Variants in FNDC3B observed in about 807,000 individuals in gnomAD.
FNDC3B encodes fibronectin type III domain-containing protein 3B.
A neutral mutation model predicts 151.5 loss-of-function variants in FNDC3B; 12 were observed. That is an observed-to-expected ratio of 0.08 (90% CI 0.05 to 0.13). The LOEUF (loss-of-function observed/expected upper bound fraction) is 0.13. FNDC3B is among the 10% of genes least tolerant of loss of function. FNDC3B has a pLI of 1.00. For missense variants in FNDC3B, 1,214 were observed against 1,505.3 expected, an observed-to-expected ratio of 0.81 and a Z score of 3.20; for synonymous variants, 528 against 549.0, an observed-to-expected ratio of 0.96 and a Z score of 0.54.
intron 1 of FNDC3B, among the ~76,000 whole-genome samples, chr3:172,087,214 C>T (rs1029400699): frequency 2.6e-5 from 4 of 152,080 alleles, no homozygotes; most frequent in East Asian, 1.9e-4. Flanking sequence ...CTAGTTAAGG[C>T]GCATAACTTA....
chr3:172,095,521 T>C (rs901303713), intron 1 of FNDC3B, among the ~76,000 whole-genome samples: 4 of 152,316 alleles, frequency 2.6e-5, no homozygotes, highest in Admixed American at 6.5e-5. Flanking sequence ...CGGGTACTCA[T>C]AGAGAGGGGT....
Position 172,061,619 on chromosome 3 carries a change from G to A in FNDC3B, c.-29+21848G>A, listed in dbSNP as rs188215016. Among the ~76,000 whole-genome samples the A allele has an allele frequency of 2.0e-5, 3 of 152,302 alleles. No individual in the cohort carries two copies. In the East Asian group the frequency reaches 5.8e-4, roughly 29 times the overall value. On this transcript the variant is annotated intron_variant, in intron 1 of 25. Coordinates refer to ENST00000415807, the MANE Select transcript of FNDC3B (RefSeq NM_022763.4). ...GCAGATTCTTTTCCTAATGTGTCAT[G>A]TACAATCTGTGGGGGAAGAAGGTTA...
intron 13 of FNDC3B, among the ~76,000 whole-genome samples, chr3:172,331,465 C>G (rs1560082917): frequency 6.6e-6 from 1 of 152,192 alleles, no homozygotes; most frequent in Non-Finnish European, 1.5e-5. Context: ...TCATGCCATT[C>G]TTCTGCCTCA....
intron 25 of FNDC3B, among the ~76,000 whole-genome samples, chr3:172,387,373 T>C (rs778043559): frequency 3.6e-4 from 54 of 152,006 alleles, no homozygotes; most frequent in Non-Finnish European, 6.3e-4. Context: ...GCAGGGATTA[T>C]AGGCGTGAGC....
At chr3:172,256,702 A>C (rs1413450626) in intron 6 of FNDC3B, among the ~76,000 whole-genome samples, 2 of 152,230 alleles carry the variant, frequency 1.3e-5, no homozygotes, top group South Asian at 2.1e-4. Context: ...GAAATCCTTC[A>C]ATTTTCAGCC....
intron 22 of FNDC3B, among the ~76,000 whole-genome samples, chr3:172,358,684 A>C (rs1342384126): frequency 6.6e-6 from 1 of 152,162 alleles, no homozygotes; most frequent in Non-Finnish European, 1.5e-5. Flanking sequence ...AACACTTGAA[A>C]ATTTGCTAGT....
chr3:172,328,850 A>AAGCAGTTATT, intron 11 of FNDC3B, 102 bp from the exon 12 acceptor site: 2 of 867,570 alleles, frequency 2.3e-6, no homozygotes, highest in East Asian at 5.9e-5. Flanking sequence ...CTAGGAAATT[A>AAGCAGTTATT]AGCAGTTATT....
Position 172,179,749 on chromosome 3 carries a change from G to A in FNDC3B, c.187+46203G>A, listed in dbSNP as rs963710165. On this transcript the variant is annotated intron_variant, in intron 3 of 25. Coordinates refer to ENST00000415807, the MANE Select transcript of FNDC3B (RefSeq NM_022763.4). ...ATACAAAAAGTTAGCTGGGCATGGTGGCGACTGCCTGTAGACTGAGCTACT... is the reference window on the plus strand; with the variant it reads ...ATACAAAAAGTTAGCTGGGCATGGTAGCGACTGCCTGTAGACTGAGCTACT... Among the ~76,000 whole-genome samples the A allele has an allele frequency of 2.0e-4, 31 of 151,802 alleles. 1 individual carries two copies. The highest frequency in any genetic ancestry group is 7.5e-4 in the African/African-American group (31 of 41,398).
At chr3:172,345,740 G>T (rs1013864119) in intron 19 of FNDC3B, among the ~76,000 whole-genome samples, 15 of 152,156 alleles carry the variant, frequency 9.9e-5, no homozygotes, top group African/African-American at 3.6e-4. Flanking sequence ...TCAAAGTGTG[G>T]TAAGTCTCTA....
rs568774150 is a variant in FNDC3B, at chr3:172,204,627, C to T, written c.188-22244C>T. ...GTTTTGATTACTTTATAAACTGTCT[C>T]TTAGTTTTAGGGTTACAAACCTATT... is the stretch of plus-strand genomic sequence containing the variant. On this transcript the variant is annotated intron_variant, in intron 3 of 25. Coordinates refer to ENST00000415807, the MANE Select transcript of FNDC3B (RefSeq NM_022763.4). Among the ~76,000 whole-genome samples the T allele has an allele frequency of 9.2e-5, 14 of 152,252 alleles. No homozygotes were observed. The East Asian group carries it at 2.7e-3, about 29-fold the overall frequency.
intron 17 of FNDC3B, among the ~76,000 whole-genome samples, chr3:172,342,313 A>G (rs567732035): frequency 6.6e-6 from 1 of 152,328 alleles, no homozygotes; most frequent in South Asian, 2.1e-4. Flanking sequence ...TGAGATTATC[A>G]GTGGTCCTTC....
chr3:172,179,759 T>C (rs1192165800), intron 3 of FNDC3B, among the ~76,000 whole-genome samples: 1 of 150,716 alleles, frequency 6.6e-6, no homozygotes, highest in African/African-American at 2.5e-5. Context: ...GGCGACTGCC[T>C]GTAGACTGAG....
chr3:172,229,788 GA>G (rs1031803317), intron 4 of FNDC3B, among the ~76,000 whole-genome samples: 64 of 152,278 alleles, frequency 4.2e-4, no homozygotes, highest in African/African-American at 1.5e-3. Context: ...CATGTTTAAA[GA>G]GAATAATATA....
chr3:172,059,375 C>T (rs1560387230), intron 1 of FNDC3B, among the ~76,000 whole-genome samples: 3 of 152,158 alleles, frequency 2.0e-5, no homozygotes, highest in Non-Finnish European at 4.4e-5. Flanking sequence ...TAGTTCTCCT[C>T]AGGACTCCTG....
chr3:172,121,196 C>A (rs1048551281), intron 2 of FNDC3B, among the ~76,000 whole-genome samples: 9 of 152,270 alleles, frequency 5.9e-5, no homozygotes, highest in African/African-American at 1.7e-4. Context: ...GCATCTTGTG[C>A]TCATGCATAT....
chr3:172,244,615 AC>A (rs1309590025), intron 4 of FNDC3B, among the ~76,000 whole-genome samples: 1 of 109,690 alleles, frequency 9.1e-6, no homozygotes, highest in Non-Finnish European at 1.9e-5. Flanking sequence ...TTAATATTTC[AC>A]CTTTTTTTTT....
At chr3:172,335,297 A>T in intron 15 of FNDC3B, 1 of 410,004 alleles carries the variant, frequency 2.4e-6, no homozygotes, top group Non-Finnish European at 4.3e-6. Context: ...GGACAATTAA[A>T]TTTTAGTGGA....
At chr3:172,225,890 C>A (rs925195129) in intron 3 of FNDC3B, 1 of 152,186 alleles carries the variant, frequency 6.6e-6, no homozygotes, top group African/African-American at 2.4e-5. Flanking sequence ...GTGGTTCCAT[C>A]CCAGATGGTG....
chr3:172,215,947 G>C (rs934935971), intron 3 of FNDC3B, among the ~76,000 whole-genome samples: 1 of 145,028 alleles, frequency 6.9e-6, no homozygotes, highest in Non-Finnish European at 1.5e-5. Flanking sequence ...ACCACTAGGA[G>C]TCATGCTCAC....
Sources: gnomAD v4.1 joint callset for allele counts (sites outside exome capture counted in the v4.1 genomes callset) on GRCh38, gnomAD v4.1.1 for gene constraint, MANE v1.5 for transcripts, NCBI Gene and HGNC (gene_info 2026-07-23, HGNC 2026-07-21) for gene names.